CCDC3: variants seen among roughly 807,000 people sequenced by gnomAD.
The protein encoded by CCDC3 is coiled-coil domain-containing protein 3.
Under a neutral mutation model 21.4 loss-of-function variants are expected in CCDC3, and 24 were observed. That is an observed-to-expected ratio of 1.12 (90% CI 0.81 to 1.58). The LOEUF (loss-of-function observed/expected upper bound fraction) is 1.58, where lower values mean the gene tolerates loss of function less well. Among genes scored for constraint, CCDC3 ranks in the 40% most tolerant of loss-of-function variants. The pLI is 0.00. For missense variants in CCDC3, 425 were observed against 360.9 expected, an observed-to-expected ratio of 1.18 and a Z score of -1.44; for synonymous variants, 186 against 166.0, an observed-to-expected ratio of 1.12 and a Z score of -0.93.
intron 2 of CCDC3, among the ~76,000 whole-genome samples, chr10:12,900,595 G>T (rs1834078032): frequency 6.7e-6 from 1 of 148,988 alleles, no homozygotes; most frequent in African/African-American, 2.5e-5. Context: ...GGAGGCTGAG[G>T]CAGGAGAATG....
intron 2 of CCDC3, among the ~76,000 whole-genome samples, chr10:12,984,754 G>A (rs117626178): frequency 0.011 from 1,656 of 152,288 alleles, 17 homozygotes; most frequent in Non-Finnish European, 0.018. Flanking sequence ...CAATATGAAC[G>A]AAGCTTGAAA....
intron 3 of CCDC3, among the ~76,000 whole-genome samples, chr10:13,093,915 T>C (rs1832603946): frequency 6.6e-6 from 1 of 152,194 alleles, no homozygotes; most frequent in Admixed American, 6.5e-5. Flanking sequence ...AAGATAATGA[T>C]AGTATTTTTC....
chr10:12,935,374 AT>A (rs1296217508), intron 2 of CCDC3, among the ~76,000 whole-genome samples: 4 of 152,090 alleles, frequency 2.6e-5, no homozygotes, highest in Non-Finnish European at 5.9e-5. Context: ...ATGAACCACT[AT>A]GCCAGGCCTT....
At chr10:13,095,286 A>C (rs975295529) in intron 3 of CCDC3, among the ~76,000 whole-genome samples, 2 of 152,196 alleles carry the variant, frequency 1.3e-5, no homozygotes, top group African/African-American at 4.8e-5. Flanking sequence ...AGTCCAGACC[A>C]AGGTCAACCA....
chr10:12,923,183 G>A (rs573298873), intron 2 of CCDC3, among the ~76,000 whole-genome samples: 20 of 152,168 alleles, frequency 1.3e-4, no homozygotes, highest in Non-Finnish European at 2.2e-4. Context: ...TTCTAGAAGG[G>A]AAAGTAATCT....
intron 2 of CCDC3, among the ~76,000 whole-genome samples, chr10:12,973,459 C>T (rs1295186594): frequency 1.3e-5 from 2 of 152,206 alleles, no homozygotes; most frequent in Non-Finnish European, 2.9e-5. Flanking sequence ...CTGAATTCCT[C>T]AAGGAGCTCC....
intron 3 of CCDC3, among the ~76,000 whole-genome samples, chr10:13,082,865 G>A (rs1294254238): frequency 1.3e-5 from 2 of 152,186 alleles, no homozygotes; most frequent in Admixed American, 6.5e-5. Context: ...GGAATAAAGA[G>A]TAATGCTACA....
intron 5 of CCDC3, among the ~76,000 whole-genome samples, chr10:13,027,283 C>T (rs1836235421): frequency 6.6e-6 from 1 of 152,138 alleles, no homozygotes; most frequent in Non-Finnish European, 1.5e-5. Context: ...CCTCAGAGGG[C>T]ATCCCCTCCA....
At chr10:12,944,490 G>A (rs1388017846) in intron 2 of CCDC3, among the ~76,000 whole-genome samples, 5 of 152,166 alleles carry the variant, frequency 3.3e-5, no homozygotes, top group South Asian at 2.1e-4. Context: ...TTCCTGGGCC[G>A]AATCAATGTA....
intron 2 of CCDC3, among the ~76,000 whole-genome samples, chr10:12,947,549 G>A (rs11258078): frequency 0.45 from 69,071 of 151,988 alleles, 16,021 homozygotes; most frequent in South Asian, 0.61. Flanking sequence ...CTGTGACTTT[G>A]TCACCTCAGC....
chr10:12,909,188 T>C (rs1834226020), intron 2 of CCDC3, among the ~76,000 whole-genome samples: 1 of 152,020 alleles, frequency 6.6e-6, no homozygotes. Flanking sequence ...GTTAATTCTC[T>C]CCCTTGAAAA....
At chr10:13,077,541 G>T (rs1836982002) in intron 3 of CCDC3, among the ~76,000 whole-genome samples, 1 of 152,196 alleles carries the variant, frequency 6.6e-6, no homozygotes, top group Admixed American at 6.5e-5. Flanking sequence ...AAAAAGAGCT[G>T]CATTGCCAAG....
chr10:13,039,550 T>G (rs1481475880), intron 5 of CCDC3, among the ~76,000 whole-genome samples: 1 of 152,186 alleles, frequency 6.6e-6, no homozygotes, highest in East Asian at 1.9e-4. Flanking sequence ...ACTTAGTATC[T>G]TTTGCCTAGG....
chr10:13,023,886 T>C (rs1000947032), intron 5 of CCDC3, among the ~76,000 whole-genome samples: 3 of 152,120 alleles, frequency 2.0e-5, no homozygotes, highest in Non-Finnish European at 2.9e-5. Context: ...ACACCCAATA[T>C]ACAACGATAA....
chr10:13,023,271 G>A lies in CCDC3; in HGVS notation c.-1-24759C>T, dbSNP rs140899469. Among the ~76,000 whole-genome samples, 194 of 152,184 alleles carry A rather than the reference G, an allele frequency of 1.3e-3. 1 individual carries two copies. Among genetic ancestry groups the A allele is most frequent in the East Asian group, 0.012 (61 of 5,180 alleles). On this transcript the variant is annotated intron_variant, in intron 5 of 6. Transcript: ENST00000378839. ...TGATTTAAAACAATAACAATGTAAC[G>A]TTGCTCACAATTCTGTTGGTTGATT...
At chr10:13,043,650 A>G (rs1187928688) in intron 5 of CCDC3, among the ~76,000 whole-genome samples, 2 of 152,090 alleles carry the variant, frequency 1.3e-5, no homozygotes, top group Non-Finnish European at 2.9e-5. Context: ...ATAAAGACAA[A>G]GATCTCCACC....
intron 5 of CCDC3, among the ~76,000 whole-genome samples, chr10:13,034,002 A>G (rs992116760): frequency 5.9e-5 from 9 of 152,208 alleles, no homozygotes; most frequent in Non-Finnish European, 7.4e-5. Flanking sequence ...GTATATACCC[A>G]AAGGATTATA....
At chr10:13,056,507 G>A (rs1360926058) in intron 4 of CCDC3, among the ~76,000 whole-genome samples, 3 of 152,214 alleles carry the variant, frequency 2.0e-5, no homozygotes, top group Non-Finnish European at 4.4e-5. Flanking sequence ...ACTTGTGCCT[G>A]TTAGCACACA....
chr10:13,057,870 G>A (rs1836702672), intron 4 of CCDC3: 1 of 446,544 alleles, frequency 2.2e-6, no homozygotes. Context: ...GACAGTGCGA[G>A]ACTCTGTCTC....
Sources: allele counts gnomAD v4.1 joint callset (sites outside exome capture counted in the v4.1 genomes callset), GRCh38; gene constraint gnomAD v4.1.1; transcripts MANE v1.5; gene names NCBI Gene and HGNC (gene_info 2026-07-23, HGNC 2026-07-21).